NMNAT2: variants seen among roughly 807,000 people sequenced by gnomAD.
The protein encoded by NMNAT2 is nicotinamide nucleotide adenylyltransferase 2.
A neutral mutation model predicts 41.6 loss-of-function variants in NMNAT2; 11 were observed. That is an observed-to-expected ratio of 0.26 (90% CI 0.17 to 0.44). The LOEUF is 0.44. Among genes scored for constraint, NMNAT2 ranks in the 20% least tolerant of loss-of-function variants. The pLI is 1.00. For missense variants in NMNAT2, 288 were observed against 407.7 expected (o/e 0.71, Z 2.53); for synonymous variants, 148 against 151.2 (o/e 0.98, Z 0.16).
intron 8 of NMNAT2, among the ~76,000 whole-genome samples, chr1:183,271,380 C>G (rs1268434289): frequency 4.6e-5 from 7 of 152,196 alleles, no homozygotes; most frequent in Non-Finnish European, 1.0e-4. Context: ...AAGCTCTTCT[C>G]TTTCCACCTA....
At chr1:183,316,184 T>C (rs377258687) in intron 1 of NMNAT2, among the ~76,000 whole-genome samples, 3 of 152,254 alleles carry the variant, frequency 2.0e-5, no homozygotes, top group East Asian at 1.9e-4. Context: ...CCACTGACCC[T>C]GAGTGCTCCA....
chr1:183,337,637 G>A (rs1433147281), intron 1 of NMNAT2, among the ~76,000 whole-genome samples: 1 of 149,686 alleles, frequency 6.7e-6, no homozygotes, highest in African/African-American at 2.5e-5. Context: ...CCATCAGTTT[G>A]TGGGCTTTTA....
At chr1:183,389,736 A>AAAAGAAAG (rs1186159050) in intron 1 of NMNAT2, among the ~76,000 whole-genome samples, 10 of 76,448 alleles carry the variant, frequency 1.3e-4, no homozygotes, top group East Asian at 6.1e-4. Context: ...ACCCTGTCAA[A>AAAAGAAAG]AAAGAAAGAA....
chr1:183,294,557 C>T (rs1229893577), intron 1 of NMNAT2, among the ~76,000 whole-genome samples: 1 of 152,178 alleles, frequency 6.6e-6, no homozygotes, highest in Non-Finnish European at 1.5e-5. Flanking sequence ...CTTTGGGAGG[C>T]CGAGGCAGGT....
At chr1:183,308,543 A>G (rs904025021) in intron 1 of NMNAT2, among the ~76,000 whole-genome samples, 2 of 152,226 alleles carry the variant, frequency 1.3e-5, no homozygotes, top group Non-Finnish European at 2.9e-5. Context: ...AGAGTAAAAA[A>G]TCAAGACTAA....
chr1:183,277,331 A>C (rs1015863318), intron 8 of NMNAT2, among the ~76,000 whole-genome samples: 5 of 151,882 alleles, frequency 3.3e-5, no homozygotes, highest in Non-Finnish European at 5.9e-5. Context: ...AAAAATACAA[A>C]AATTAGCTGG....
Position 183,389,742 on chromosome 1 carries a change from A to AAGAAAGAAAGAG in NMNAT2, c.85+28440_85+28441insCTCTTTCTTTCT, listed in dbSNP as rs1557897452. ...CAGAGCAAGACCCTGTCAAAAAAGA[A>AAGAAAGAAAGAG]AGAAAGAAAGAAAGAAAGAAAGAAA... On this transcript the variant is annotated intron_variant, in intron 1 of 10. Transcript: ENST00000287713. Among the ~76,000 whole-genome samples, 8 of 7,200 alleles carry AAGAAAGAAAGAG rather than the reference A, an allele frequency of 1.1e-3. 2 individuals are homozygous for AAGAAAGAAAGAG. The highest frequency in any genetic ancestry group is 1.7e-3 in the Non-Finnish European group (6 of 3,598). 4.7% of individuals were successfully genotyped at this position (7,200 alleles called of 152,430 possible).
At chr1:183,411,316 A>G (rs900571828) in intron 1 of NMNAT2, among the ~76,000 whole-genome samples, 2 of 152,124 alleles carry the variant, frequency 1.3e-5, no homozygotes, top group African/African-American at 4.8e-5. Context: ...TTACTCATTC[A>G]ATAAACATTT....
intron 1 of NMNAT2, among the ~76,000 whole-genome samples, chr1:183,303,114 C>T (rs1318200280): frequency 6.6e-6 from 1 of 152,238 alleles, no homozygotes; most frequent in Non-Finnish European, 1.5e-5. Flanking sequence ...CTAAGCCCTA[C>T]TGAAGCCTCC....
chr1:183,284,095 C>G, intron 6 of NMNAT2, 56 bp from the exon 7 acceptor site: 1 of 1,505,752 alleles, frequency 6.6e-7, no homozygotes, highest in East Asian at 2.3e-5. Flanking sequence ...TGGTACCCAA[C>G]ACACAGTCTG....
At chr1:183,302,724 C>G (rs979952140) in intron 1 of NMNAT2, among the ~76,000 whole-genome samples, 7 of 152,224 alleles carry the variant, frequency 4.6e-5, no homozygotes, top group African/African-American at 1.7e-4. Flanking sequence ...GCCCCAGAGG[C>G]TGCTGAATTT....
chr1:183,404,117 T>G (rs1648890731), intron 1 of NMNAT2, among the ~76,000 whole-genome samples: 1 of 149,758 alleles, frequency 6.7e-6, no homozygotes, highest in Non-Finnish European at 1.5e-5. Flanking sequence ...TTTTTTTTTT[T>G]GAGATGGAGT....
chr1:183,374,151 T>A (rs544613752), intron 1 of NMNAT2, among the ~76,000 whole-genome samples: 2 of 152,382 alleles, frequency 1.3e-5, no homozygotes, highest in South Asian at 4.1e-4. Context: ...GTTGAGGGTC[T>A]GAACCAATTC....
intron 1 of NMNAT2, among the ~76,000 whole-genome samples, chr1:183,301,899 T>C (rs1040975957): frequency 1.3e-5 from 2 of 152,346 alleles, no homozygotes; most frequent in African/African-American, 4.8e-5. Context: ...TAACTCCATT[T>C]TTCCTTTTCA....
intron 1 of NMNAT2, among the ~76,000 whole-genome samples, chr1:183,381,042 T>C (rs1308677854): frequency 6.6e-6 from 1 of 152,070 alleles, no homozygotes; most frequent in Non-Finnish European, 1.5e-5. Flanking sequence ...CCAGGGATGA[T>C]ATAATGAGGA....
intron 1 of NMNAT2, among the ~76,000 whole-genome samples, chr1:183,406,180 A>ATGAAT (rs762882467): frequency 1.3e-5 from 2 of 152,224 alleles, no homozygotes; most frequent in African/African-American, 2.4e-5. Flanking sequence ...ATGCAGTATC[A>ATGAAT]TGAATTGAAT....
chr1:183,314,904 A>G (rs979235052), intron 1 of NMNAT2, among the ~76,000 whole-genome samples: 2 of 152,160 alleles, frequency 1.3e-5, no homozygotes, highest in Non-Finnish European at 2.9e-5. Context: ...CAACAAACAA[A>G]CAACAAGCAA....
intron 1 of NMNAT2, among the ~76,000 whole-genome samples, chr1:183,400,674 C>T (rs1029647009): frequency 6.6e-6 from 1 of 152,170 alleles, no homozygotes; most frequent in Non-Finnish European, 1.5e-5. Flanking sequence ...TACTACAAGG[C>T]TACAGTAACC....
chr1:183,328,921 A>G (rs1403349546), intron 1 of NMNAT2, among the ~76,000 whole-genome samples: 2 of 152,180 alleles, frequency 1.3e-5, no homozygotes, highest in Non-Finnish European at 2.9e-5. Flanking sequence ...GGAGACAGAG[A>G]GATTTGGTCC....
Sources: gnomAD v4.1 joint callset for allele counts (sites outside exome capture counted in the v4.1 genomes callset) on GRCh38, gnomAD v4.1.1 for gene constraint, MANE v1.5 for transcripts, NCBI Gene and HGNC (gene_info 2026-07-23, HGNC 2026-07-21) for gene names.